The following C10orf90 variants were observed in gnomAD, a reference collection of about 807,000 sequenced individuals.
The protein encoded by C10orf90 is chromosome 10 open reading frame 90, also known as (E2-independent) E3 ubiquitin-conjugating enzyme FATS.
A neutral mutation model predicts 62.5 loss-of-function variants in C10orf90; 56 were observed. The ratio of observed to expected loss-of-function variants is 0.90; its 90% CI spans 0.72 to 1.12. The LOEUF (loss-of-function observed/expected upper bound fraction) is 1.12, where lower values mean the gene tolerates loss of function less well. C10orf90 is among the 50% of genes most tolerant of loss of function. C10orf90 has a pLI of 0.00. For missense variants in C10orf90, 970 were observed against 880.4 expected (o/e 1.10, Z -1.29); for synonymous variants, 386 against 340.4 (o/e 1.13, Z -1.47).
chr10:126,599,369 T>C (rs1338876117), intron 2 of C10orf90, among the ~76,000 whole-genome samples: 1 of 151,776 alleles, frequency 6.6e-6, no homozygotes, highest in Non-Finnish European at 1.5e-5. Flanking sequence ...GTATTTTTTT[T>C]TTCTTTTTTT....
At chr10:126,578,392 C>T (rs1187832845) in intron 2 of C10orf90, among the ~76,000 whole-genome samples, 3 of 152,164 alleles carry the variant, frequency 2.0e-5, no homozygotes, top group African/African-American at 7.2e-5. Flanking sequence ...TTCTCAACCA[C>T]ATTAATCATC....
chr10:126,572,013 G>A (rs746966536), intron 2 of C10orf90, among the ~76,000 whole-genome samples: 7 of 152,190 alleles, frequency 4.6e-5, no homozygotes, highest in Admixed American at 2.6e-4. Context: ...TCGATGCTTA[G>A]TACATTTGTC....
At chr10:126,584,491 C>T (rs1475148351) in intron 2 of C10orf90, among the ~76,000 whole-genome samples, 3 of 152,082 alleles carry the variant, frequency 2.0e-5, no homozygotes, top group Non-Finnish European at 2.9e-5. Flanking sequence ...CAACAGGCAC[C>T]ATGAGCATCT....
At chr10:126,603,853 C>A (rs979289356) in intron 2 of C10orf90, among the ~76,000 whole-genome samples, 1 of 152,074 alleles carries the variant, frequency 6.6e-6, no homozygotes, top group Non-Finnish European at 1.5e-5. Flanking sequence ...GCATCTGCTG[C>A]GTGACAAGAC....
intron 4 of C10orf90, chr10:126,470,032 G>T (rs1479812355): frequency 8.8e-6 from 4 of 456,378 alleles, no homozygotes; most frequent in Non-Finnish European, 1.8e-5. Context: ...GCATTCTTCT[G>T]CAGGATGCAT....
intron 2 of C10orf90, among the ~76,000 whole-genome samples, chr10:126,531,074 T>C (rs1288241377): frequency 1.3e-5 from 2 of 150,826 alleles, no homozygotes; most frequent in East Asian, 3.9e-4. Flanking sequence ...CTCAGGAGGC[T>C]GAGGCAGGAG....
chr10:126,538,804 T>C (rs900262248), intron 2 of C10orf90, among the ~76,000 whole-genome samples: 48 of 152,174 alleles, frequency 3.2e-4, no homozygotes, highest in Non-Finnish European at 7.3e-5. Context: ...TACCTCTGCT[T>C]ATTCTAGATA....
chr10:126,480,477 A>G (rs1406930194), intron 4 of C10orf90, among the ~76,000 whole-genome samples: 1 of 152,236 alleles, frequency 6.6e-6, no homozygotes, highest in African/African-American at 2.4e-5. Flanking sequence ...GGCATGTTTA[A>G]ACACGGCTAT....
intron 2 of C10orf90, among the ~76,000 whole-genome samples, chr10:126,554,958 C>T (rs755427783): frequency 9.2e-5 from 14 of 152,158 alleles, no homozygotes; most frequent in African/African-American, 1.7e-4. Flanking sequence ...TTTAATCTCA[C>T]GACACTCGCC....
chr10:126,573,025 G>C (rs189726189), intron 2 of C10orf90, among the ~76,000 whole-genome samples: 1 of 152,014 alleles, frequency 6.6e-6, no homozygotes, highest in East Asian at 1.9e-4. Flanking sequence ...GTGGCAGGAC[G>C]AGCCACAGAC....
intron 2 of C10orf90, among the ~76,000 whole-genome samples, chr10:126,555,571 C>G (rs993707539): frequency 6.6e-6 from 1 of 151,424 alleles, no homozygotes; most frequent in Non-Finnish European, 1.5e-5. Context: ...CCCAGCTACT[C>G]GGGAGGCTGA....
intron 2 of C10orf90, among the ~76,000 whole-genome samples, chr10:126,594,530 C>T (rs2134032373): frequency 6.6e-6 from 1 of 152,214 alleles, no homozygotes. Context: ...GGTGAACCAG[C>T]CCGTGAGGCA....
intron 2 of C10orf90, among the ~76,000 whole-genome samples, chr10:126,615,772 G>A (rs1191464686): frequency 6.6e-6 from 1 of 152,160 alleles, no homozygotes; most frequent in East Asian, 1.9e-4. Flanking sequence ...AAGAGATGGG[G>A]AAAGGCATTA....
rs1857954535 is a variant in C10orf90 at position 126,436,868 on chromosome 10, T to G, written c.2189-7018A>C. The stretch of plus-strand genomic sequence containing the variant: ...AGAGATGGGGGTGGTCTCACTTTGT[T>G]GCCCAAGATGGTCTTAAATTCCTGG... On this transcript the variant is annotated intron_variant, in intron 7 of 9. Transcript: ENST00000488181. Among the ~76,000 whole-genome samples, 3 of 152,250 alleles carry G rather than the reference T, an allele frequency of 2.0e-5. No homozygotes were observed. The South Asian group carries it at 6.2e-4, about 32-fold the overall frequency.
intron 4 of C10orf90, among the ~76,000 whole-genome samples, chr10:126,501,017 A>G (rs1023482225): frequency 2.0e-5 from 3 of 152,250 alleles, no homozygotes; most frequent in Non-Finnish European, 2.9e-5. Context: ...ACAAAGAATC[A>G]GATTCAGTAA....
At chr10:126,507,500 C>CAAA (rs775464275) in intron 3 of C10orf90, among the ~76,000 whole-genome samples, 2,200 of 114,118 alleles carry the variant, frequency 0.019, 26 homozygotes, top group African/African-American at 0.022. Context: ...TACTTTTTTC[C>CAAA]AAAAAAAAAA....
intron 2 of C10orf90, among the ~76,000 whole-genome samples, chr10:126,602,459 G>A (rs904539185): frequency 6.6e-6 from 1 of 152,166 alleles, no homozygotes; most frequent in Admixed American, 6.5e-5. Flanking sequence ...GGTGTGAAGG[G>A]ACTTGGTATC....
rs1304468062 is a variant in C10orf90 at position 126,465,072 on chromosome 10, G to C, written c.1535-86C>G. Reference sequence around the variant, plus strand: ...TTCTACCGCACATGGTGCTTTTCTCGGGACAGACTTGGGGGGGAGTACAGC... The same window carrying C: ...TTCTACCGCACATGGTGCTTTTCTCCGGACAGACTTGGGGGGGAGTACAGC... On this transcript the variant is annotated intron_variant, in intron 4 of 9. Transcript: ENST00000488181. 3 of 1,425,946 alleles carry C rather than the reference G, an allele frequency of 2.1e-6. No homozygotes were observed. In the African/African-American group the frequency reaches 4.3e-5, roughly 20 times the overall value. The allele number at this position is 1,425,946 out of a possible 1,614,324, so 88.3% of individuals were successfully genotyped here. A position where few individuals can be genotyped will look rare whatever the true frequency, so the allele number is the denominator to read the frequency against.
At chr10:126,440,668 T>G (rs931562674) in intron 7 of C10orf90, among the ~76,000 whole-genome samples, 2 of 152,116 alleles carry the variant, frequency 1.3e-5, no homozygotes, top group Non-Finnish European at 2.9e-5. Flanking sequence ...CTGAAGCAGG[T>G]GCTGGTATCC....
Sources: allele counts gnomAD v4.1 joint callset (sites outside exome capture counted in the v4.1 genomes callset), GRCh38; gene constraint gnomAD v4.1.1; transcripts MANE v1.5; gene names NCBI Gene and HGNC (gene_info 2026-07-23, HGNC 2026-07-21).